ZBTB20: variants seen among roughly 807,000 people sequenced by gnomAD.
The protein encoded by ZBTB20 is zinc finger and BTB domain containing 20, also known as zinc finger and BTB domain-containing protein 20.
A neutral mutation model predicts 56.9 loss-of-function variants in ZBTB20; 9 were observed. The ratio of observed to expected loss-of-function variants is 0.16; its 90% confidence interval spans 0.10 to 0.28. ZBTB20 has a LOEUF of 0.28. ZBTB20 is among the 10% of genes least tolerant of loss of function. The pLI is 1.00. For missense variants in ZBTB20, 655 were observed against 1,003.0 expected (o/e 0.65, Z 4.69); for synonymous variants, 417 against 420.7 (o/e 0.99, Z 0.11).
At chr3:114,655,193 A>AT (rs1228937791) in intron 6 of ZBTB20, among the ~76,000 whole-genome samples, 13 of 90,984 alleles carry the variant, frequency 1.4e-4, no homozygotes, top group Admixed American at 9.9e-4. Context: ...TATGCTTTTG[A>AT]TTTTTTTCTT....
intron 3 of ZBTB20, among the ~76,000 whole-genome samples, chr3:114,920,978 G>A (rs887343335): frequency 6.6e-6 from 1 of 152,112 alleles, no homozygotes; most frequent in African/African-American, 2.4e-5. Flanking sequence ...CAACAGATTA[G>A]ATAACTTAGT....
At chr3:114,695,688 T>C (rs1371157497) in intron 5 of ZBTB20, among the ~76,000 whole-genome samples, 1 of 152,048 alleles carries the variant, frequency 6.6e-6, no homozygotes, top group Non-Finnish European at 1.5e-5. Flanking sequence ...TATACAGAAC[T>C]ACACATTTAA....
At chr3:114,729,362 A>T (rs6780425) in intron 5 of ZBTB20, among the ~76,000 whole-genome samples, 112,625 of 152,160 alleles carry the variant, frequency 0.74, 42,703 homozygotes, top group Non-Finnish European at 0.83. Flanking sequence ...GTTATGAATT[A>T]AAAAGTCTCG....
At chr3:114,563,135 A>G (rs1195125127) in intron 6 of ZBTB20, among the ~76,000 whole-genome samples, 1 of 152,204 alleles carries the variant, frequency 6.6e-6, no homozygotes, top group Non-Finnish European at 1.5e-5. Flanking sequence ...TGCAATAGAA[A>G]GAGGTATGCT....
chr3:115,142,125 G>C (rs2084828037), intron 1 of ZBTB20, among the ~76,000 whole-genome samples: 1 of 152,234 alleles, frequency 6.6e-6, no homozygotes, highest in East Asian at 1.9e-4. Context: ...GAAAGTTTTG[G>C]TAACAAAGTG....
At chr3:115,129,451 T>C (rs1007084759) in intron 1 of ZBTB20, among the ~76,000 whole-genome samples, 25 of 152,194 alleles carry the variant, frequency 1.6e-4, no homozygotes, top group African/African-American at 5.8e-4. Context: ...ATAGTGGTGT[T>C]ATCAACCAAC....
intron 3 of ZBTB20, among the ~76,000 whole-genome samples, chr3:114,954,695 G>A (rs996606674): frequency 2.6e-5 from 4 of 152,170 alleles, no homozygotes; most frequent in African/African-American, 9.6e-5. Context: ...GAGAATAAGT[G>A]AAAGTTGAAT....
At chr3:114,962,192 C>T (rs1341916984) in intron 3 of ZBTB20, among the ~76,000 whole-genome samples, 1 of 152,060 alleles carries the variant, frequency 6.6e-6, no homozygotes, top group East Asian at 1.9e-4. Context: ...TTCTGGTGCT[C>T]ATGAACACAT....
intron 6 of ZBTB20, among the ~76,000 whole-genome samples, chr3:114,584,967 C>T (rs2055028822): frequency 6.6e-6 from 1 of 152,120 alleles, no homozygotes; most frequent in African/African-American, 2.4e-5. Context: ...TTAGGGCAAA[C>T]TCTCTGTTGT....
chr3:114,789,590 G>T (rs980315828), intron 5 of ZBTB20, among the ~76,000 whole-genome samples: 3 of 152,090 alleles, frequency 2.0e-5, no homozygotes, highest in Non-Finnish European at 4.4e-5. Flanking sequence ...TTTAAAAGCC[G>T]GTTAGGGCCT....
intron 2 of ZBTB20, among the ~76,000 whole-genome samples, chr3:115,048,668 T>A (rs570120731): frequency 2.6e-5 from 4 of 152,288 alleles, no homozygotes; most frequent in African/African-American, 9.6e-5. Context: ...AAAGTTTATG[T>A]ATTAAGGACT....
intron 6 of ZBTB20, among the ~76,000 whole-genome samples, chr3:114,665,488 C>G (rs1214892628): frequency 6.6e-6 from 1 of 151,906 alleles, no homozygotes; most frequent in Middle Eastern, 3.2e-3. Flanking sequence ...TAAGTCTTAC[C>G]TAGGAAAGGG....
intron 7 of ZBTB20, among the ~76,000 whole-genome samples, chr3:114,408,054 C>T (rs996946816): frequency 4.1e-4 from 62 of 152,112 alleles, no homozygotes; most frequent in African/African-American, 1.4e-3. Flanking sequence ...GGAAATATTC[C>T]ATGATCACGT....
At chr3:114,415,235 G>A (rs989032918) in intron 7 of ZBTB20, among the ~76,000 whole-genome samples, 1 of 152,100 alleles carries the variant, frequency 6.6e-6, no homozygotes, top group African/African-American at 2.4e-5. Context: ...CTATGTCATT[G>A]TTAACTGAAC....
At chr3:114,944,305 C>T (rs1412023928) in intron 3 of ZBTB20, among the ~76,000 whole-genome samples, 1 of 145,718 alleles carries the variant, frequency 6.9e-6, no homozygotes, top group Non-Finnish European at 1.5e-5. Flanking sequence ...GTTAGAAAGG[C>T]TACCTTCAAA....
At chr3:114,596,980 T>G (rs1385992771) in intron 6 of ZBTB20, among the ~76,000 whole-genome samples, 1 of 152,182 alleles carries the variant, frequency 6.6e-6, no homozygotes, top group Non-Finnish European at 1.5e-5. Flanking sequence ...AACAAACTAT[T>G]TCTGAGCAAA....
At chr3:114,554,450 T>C (rs1320878886) in intron 6 of ZBTB20, among the ~76,000 whole-genome samples, 4 of 152,172 alleles carry the variant, frequency 2.6e-5, no homozygotes, top group African/African-American at 9.7e-5. Context: ...CATTTCAGAA[T>C]TGGTCTCTTT....
chr3:114,856,423 G>T (rs892850338), intron 4 of ZBTB20, among the ~76,000 whole-genome samples: 4 of 152,082 alleles, frequency 2.6e-5, no homozygotes. Flanking sequence ...ATAAATAAGA[G>T]CAGACAATTC....
intron 5 of ZBTB20, among the ~76,000 whole-genome samples, chr3:114,713,282 T>C (rs564106820): frequency 2.6e-4 from 40 of 152,158 alleles, no homozygotes; most frequent in Non-Finnish European, 5.3e-4. Flanking sequence ...GGGTCTCAAT[T>C]GACGCATGAG....
Sources: allele counts gnomAD v4.1 joint callset (sites outside exome capture counted in the v4.1 genomes callset), GRCh38; gene constraint gnomAD v4.1.1; transcripts MANE v1.5; gene names NCBI Gene and HGNC (gene_info 2026-07-23, HGNC 2026-07-21).